The following NEO1 variants were observed in gnomAD, a reference collection of about 807,000 sequenced individuals.
NEO1 encodes neogenin.
In NEO1, 63 loss-of-function variants were observed where a neutral mutation model predicts 159.7. The ratio of observed to expected loss-of-function variants is 0.39; its 90% CI spans 0.32 to 0.49. NEO1 has a LOEUF of 0.49. NEO1 is among the 20% of genes least tolerant of loss of function. NEO1 has a pLI of 0.85. For missense variants in NEO1, 1,615 were observed against 1,831.0 expected, an observed-to-expected ratio of 0.88 and a Z score of 2.15; for synonymous variants, 633 against 662.0, an observed-to-expected ratio of 0.96 and a Z score of 0.67.
At chr15:73,072,176 C>T (rs1476484383) in intron 1 of NEO1, among the ~76,000 whole-genome samples, 3 of 151,994 alleles carry the variant, frequency 2.0e-5, no homozygotes, top group Admixed American at 1.3e-4. Flanking sequence ...GTCTTGAACT[C>T]CTGACCTCAG....
chr15:73,100,747 T>C (rs1281583289), intron 1 of NEO1, among the ~76,000 whole-genome samples: 4 of 152,224 alleles, frequency 2.6e-5, no homozygotes, highest in Non-Finnish European at 4.4e-5. Context: ...CACATTCTCC[T>C]ATTTGAACTT....
intron 5 of NEO1, among the ~76,000 whole-genome samples, chr15:73,158,775 G>A (rs950701080): frequency 6.6e-6 from 1 of 152,126 alleles, no homozygotes; most frequent in Non-Finnish European, 1.5e-5. Flanking sequence ...TTACTGCTAT[G>A]TCCCAGCCCT....
At chr15:73,198,097 G>A (rs948665315) in intron 7 of NEO1, among the ~76,000 whole-genome samples, 13 of 152,016 alleles carry the variant, frequency 8.6e-5, no homozygotes, top group Non-Finnish European at 1.6e-4. Flanking sequence ...ACTGTCCTTA[G>A]GAGTTCTGCC....
At chr15:73,222,306 G>A (rs8027978) in intron 7 of NEO1, among the ~76,000 whole-genome samples, 2,126 of 151,210 alleles carry the variant, frequency 0.014, 45 homozygotes, top group African/African-American at 0.049. Context: ...GGGTTTCACC[G>A]TGTTAGCCAG....
At chr15:73,060,177 G>GT (rs1466620145) in intron 1 of NEO1, among the ~76,000 whole-genome samples, 1 of 152,130 alleles carries the variant, frequency 6.6e-6, no homozygotes, top group East Asian at 1.9e-4. Flanking sequence ...AGCTTTAAAT[G>GT]TAACAAGTAA....
intron 5 of NEO1, among the ~76,000 whole-genome samples, chr15:73,142,097 T>G (rs185361143): frequency 1.1e-4 from 17 of 152,318 alleles, no homozygotes; most frequent in Non-Finnish European, 2.2e-4. Context: ...AACTCTTTTT[T>G]TTTTAGAAGA....
intron 5 of NEO1, among the ~76,000 whole-genome samples, chr15:73,149,070 A>G (rs191005332): frequency 6.6e-6 from 1 of 152,044 alleles, no homozygotes; most frequent in Admixed American, 6.6e-5. Context: ...TAATCTCAGC[A>G]CTTTGCAAGG....
chr15:73,246,144 T>C (rs1402110316), intron 9 of NEO1, among the ~76,000 whole-genome samples: 9 of 152,180 alleles, frequency 5.9e-5, no homozygotes, highest in African/African-American at 1.4e-4. Context: ...ATCATTCACC[T>C]GTCAAATATT....
intron 5 of NEO1, among the ~76,000 whole-genome samples, chr15:73,163,231 C>G (rs2034317600): frequency 6.6e-6 from 1 of 151,878 alleles, no homozygotes; most frequent in South Asian, 2.1e-4. Context: ...TGCTAGTTTA[C>G]CAGAGATTTA....
rs953912526 is a variant in NEO1 at position 73,206,840 on chromosome 15, TGTGTGTGC to T, written c.1291+28421_1291+28428del. Among the ~76,000 whole-genome samples the T allele has an allele frequency of 2.8e-3, 21 of 7,478 alleles. No individual in the cohort carries two copies. The Non-Finnish European group carries it at 0.034, about 12-fold the overall frequency. The allele number at this position is 7,478 out of a possible 152,430, so 4.9% of individuals were successfully genotyped here. ...TCTTTTTCGTGTGTGTGTGTATGTG[TGTGTGTGC>T]GTGTGTGTGTGTGTGTGTTTAGAGA... On this transcript the variant is annotated intron_variant, in intron 7 of 28. Coordinates refer to ENST00000261908, the MANE Select transcript of NEO1 (RefSeq NM_002499.4).
rs143005866 is a variant in NEO1 at position 73,091,414 on chromosome 15, A to G, written c.131-25126A>G. On this transcript the variant is annotated intron_variant, in intron 1 of 28. Coordinates refer to ENST00000261908, the MANE Select transcript of NEO1 (RefSeq NM_002499.4). ...TTTTCCAATCGGGTTTCATTATTTT[A>G]AAGATACATTATTCCAGAAAAACAA... 2.7e-3 allele frequency among the ~76,000 whole-genome samples: 408 copies of G among 152,286 alleles called. 1 individual carries two copies. Among genetic ancestry groups the G allele is most frequent in the African/African-American group, 9.5e-3 (393 of 41,562 alleles).
chr15:73,122,832 A>G (rs775467956), intron 3 of NEO1, 32 bp downstream of exon 3: 1 of 1,606,404 alleles, frequency 6.2e-7, no homozygotes, highest in Non-Finnish European at 8.5e-7. Flanking sequence ...TGATGGTTTT[A>G]TGTTTATGAA....
chr15:73,151,517 G>A (rs2033368675), intron 5 of NEO1, among the ~76,000 whole-genome samples: 1 of 152,180 alleles, frequency 6.6e-6, no homozygotes, highest in Non-Finnish European at 1.5e-5. Flanking sequence ...GAAGGAAAGA[G>A]GTTTAATTGA....
rs1013588109 is a variant in NEO1 at position 73,055,887 on chromosome 15, G to A, written c.130+3082G>A. Among the ~76,000 whole-genome samples the A allele has an allele frequency of 2.0e-4, 31 of 152,122 alleles. 1 individual carries two copies. Among genetic ancestry groups the A allele is most frequent in the African/African-American group, 5.8e-4 (24 of 41,414 alleles). On this transcript the variant is annotated intron_variant, in intron 1 of 28. Coordinates refer to ENST00000261908, the MANE Select transcript of NEO1 (RefSeq NM_002499.4). ...ATTGCCATAGCGGATAGTTCTTTTT[G>A]CTTTTTACCTCTCAGCTGTTTCTTG...
intron 7 of NEO1, among the ~76,000 whole-genome samples, chr15:73,200,577 T>TAG (rs962249186): frequency 2.0e-5 from 3 of 148,642 alleles, no homozygotes; most frequent in Admixed American, 2.0e-4. Context: ...AGGGAGTCTC[T>TAG]AGAGAGAGAG....
At chr15:73,182,191 A>G (rs2035649327) in intron 7 of NEO1, among the ~76,000 whole-genome samples, 1 of 152,064 alleles carries the variant, frequency 6.6e-6, no homozygotes, top group Non-Finnish European at 1.5e-5. Flanking sequence ...CCTATAATTC[A>G]ATCATCTCCC....
At chr15:73,118,855 AAG>A (rs1156537939) in intron 2 of NEO1, among the ~76,000 whole-genome samples, 14 of 152,328 alleles carry the variant, frequency 9.2e-5, no homozygotes, top group African/African-American at 2.9e-4. Flanking sequence ...GATTTATTTA[AAG>A]ATTTCTTTAT....
intron 25 of NEO1, among the ~76,000 whole-genome samples, chr15:73,291,539 G>A (rs927957276): frequency 3.3e-5 from 5 of 152,166 alleles, no homozygotes; most frequent in Non-Finnish European, 7.4e-5. Flanking sequence ...CTACAGTTCT[G>A]TTTCACAAGC....
rs977901878 is a variant in NEO1 at position 73,116,470 on chromosome 15, G to A, written c.131-70G>A. The A allele has an allele frequency of 1.1e-5, 15 of 1,346,678 alleles. No homozygotes were observed. The East Asian group carries it at 3.6e-4, about 32-fold the overall frequency. The allele number at this position is 1,346,678 out of a possible 1,614,324, so 83.4% of individuals were successfully genotyped here. A position where few individuals can be genotyped will look rare whatever the true frequency, so the allele number is the denominator to read the frequency against. ...CAGTTAATAATTTTTGGACTTGTTA[G>A]TAATATATTTTCTGACAAATAATAG... On this transcript the variant is annotated intron_variant, in intron 1 of 28. Coordinates refer to ENST00000261908, the MANE Select transcript of NEO1 (RefSeq NM_002499.4).
Sources: allele counts gnomAD v4.1 joint callset (sites outside exome capture counted in the v4.1 genomes callset), GRCh38; gene constraint gnomAD v4.1.1; transcripts MANE v1.5; gene names NCBI Gene and HGNC (gene_info 2026-07-23, HGNC 2026-07-21).